PHACTR1: variants seen among roughly 807,000 people sequenced by gnomAD.
PHACTR1 encodes the protein RPEL repeat containing 1.
A neutral mutation model predicts 69.2 loss-of-function variants in PHACTR1; 16 were observed. The ratio of observed to expected loss-of-function variants is 0.23; its 90% CI spans 0.16 to 0.35. PHACTR1 has a LOEUF of 0.35. PHACTR1 is among the 10% of genes least tolerant of loss of function. The probability of loss-of-function intolerance (pLI) is 1.00; values close to 1 mark genes in which losing one functional copy is unlikely to be tolerated. For synonymous variants in PHACTR1, 312 were observed against 284.5 expected, an observed-to-expected ratio of 1.10 and a Z score of -0.97; for missense variants, 510 against 734.7, an observed-to-expected ratio of 0.69 and a Z score of 3.54.
At chr6:13,193,387 T>TATA (rs1763897811) in intron 7 of PHACTR1, among the ~76,000 whole-genome samples, 2 of 38,976 alleles carry the variant, frequency 5.1e-5, no homozygotes, top group Non-Finnish European at 7.8e-5. Flanking sequence ...ATATATATAG[T>TATA]TTTGGGGAGT....
Position 12,718,734 on chromosome 6 carries a change from G to A in PHACTR1, c.-11G>A. The stretch of plus-strand genomic sequence containing the variant: ...GTTTTCTCTCAAAACTCTGTGTTTG[G>A]AACATCAAGGATGGATTATCCCAAA... On this transcript the variant is annotated 5_prime_UTR_variant, in exon 3 of 15. Transcript: ENST00000332995. 1.4e-6 allele frequency: 2 copies of A among 1,469,998 alleles called. No homozygotes were observed. The highest frequency in any genetic ancestry group is 1.3e-5 in the South Asian group (1 of 76,282). 91.1% of individuals were successfully genotyped at this position (1,469,998 alleles called of 1,614,324 possible).
At chr6:13,174,973 C>G (rs1468878185) in intron 6 of PHACTR1, among the ~76,000 whole-genome samples, 1 of 152,090 alleles carries the variant, frequency 6.6e-6, no homozygotes, top group African/African-American at 2.4e-5. Context: ...ATAAAAAGTC[C>G]AACATAATGC....
At chr6:13,148,227 A>C (rs1823739204) in intron 5 of PHACTR1, among the ~76,000 whole-genome samples, 1 of 150,722 alleles carries the variant, frequency 6.6e-6, no homozygotes, top group African/African-American at 2.4e-5. Flanking sequence ...AGTTGAGAGA[A>C]TTGTATAATG....
chr6:12,817,913 T>A, intron 4 of PHACTR1, among the ~76,000 whole-genome samples: 1 of 151,248 alleles, frequency 6.6e-6, no homozygotes, highest in South Asian at 2.1e-4. Context: ...ATGCTCTGCC[T>A]CCCGGGTTCA....
chr6:12,977,577 G>T (rs146570730), intron 4 of PHACTR1, among the ~76,000 whole-genome samples: 202 of 152,260 alleles, frequency 1.3e-3, no homozygotes, highest in Non-Finnish European at 2.2e-3. Context: ...ATTCAAACAA[G>T]GTCTGCAAGG....
chr6:12,730,059 C>T (rs1763298343), intron 3 of PHACTR1, among the ~76,000 whole-genome samples: 1 of 152,058 alleles, frequency 6.6e-6, no homozygotes, highest in Non-Finnish European at 1.5e-5. Flanking sequence ...TATGGAACAG[C>T]CAAGCCTAGA....
intron 12 of PHACTR1, chr6:13,280,137 G>A (rs944848600): frequency 1.3e-5 from 2 of 152,138 alleles, no homozygotes; most frequent in African/African-American, 4.8e-5. Context: ...GGTAATGAGC[G>A]AGTAAAGAGT....
At chr6:12,859,393 C>G (rs1780719006) in intron 4 of PHACTR1, among the ~76,000 whole-genome samples, 3 of 152,164 alleles carry the variant, frequency 2.0e-5, no homozygotes, top group African/African-American at 7.2e-5. Context: ...TATATGTACA[C>G]TATGTGTATG....
chr6:13,141,514 T>C (rs901797825), intron 5 of PHACTR1, among the ~76,000 whole-genome samples: 19 of 152,310 alleles, frequency 1.2e-4, no homozygotes, highest in African/African-American at 4.6e-4. Flanking sequence ...AAATCAGAAG[T>C]TGCAGTCACA....
chr6:13,270,666 T>TA (rs980957725), intron 10 of PHACTR1, among the ~76,000 whole-genome samples: 2 of 152,238 alleles, frequency 1.3e-5, no homozygotes, highest in African/African-American at 4.8e-5. Context: ...CTTATACTCT[T>TA]AAAAACACTT....
At chr6:13,132,613 C>T (rs896721993) in intron 5 of PHACTR1, among the ~76,000 whole-genome samples, 1 of 151,888 alleles carries the variant, frequency 6.6e-6, no homozygotes, top group Admixed American at 6.6e-5. Flanking sequence ...AAGCAAGTCA[C>T]ACACATGTTG....
At chr6:12,731,175 C>G (rs1318301907) in intron 3 of PHACTR1, among the ~76,000 whole-genome samples, 1 of 151,948 alleles carries the variant, frequency 6.6e-6, no homozygotes, top group East Asian at 1.9e-4. Context: ...GCCACCATGC[C>G]TGGCTAATTT....
chr6:12,812,171 C>A (rs1003737452), intron 4 of PHACTR1, among the ~76,000 whole-genome samples: 2 of 152,144 alleles, frequency 1.3e-5, no homozygotes, highest in South Asian at 2.1e-4. Context: ...TCCCTCACCC[C>A]AGTCCTAGCA....
intron 6 of PHACTR1, among the ~76,000 whole-genome samples, chr6:13,180,633 T>C (rs1351446237): frequency 6.6e-6 from 1 of 152,266 alleles, no homozygotes; most frequent in Non-Finnish European, 1.5e-5. Context: ...GCACTTTTAT[T>C]ATACTTTGGA....
chr6:13,019,076 TTTTTC>T (rs1800612633), intron 4 of PHACTR1, among the ~76,000 whole-genome samples: 3 of 147,228 alleles, frequency 2.0e-5, no homozygotes, highest in African/African-American at 5.0e-5. Context: ...ATATATATAT[TTTTTC>T]TTTTTCTTTT....
chr6:12,863,490 A>T (rs748049141), intron 4 of PHACTR1, among the ~76,000 whole-genome samples: 6 of 152,214 alleles, frequency 3.9e-5, no homozygotes, highest in Non-Finnish European at 7.3e-5. Flanking sequence ...AGACACAAAC[A>T]TTCAGTCCAT....
intron 6 of PHACTR1, among the ~76,000 whole-genome samples, chr6:13,161,723 G>A (rs1398847981): frequency 6.6e-6 from 1 of 152,024 alleles, no homozygotes; most frequent in Non-Finnish European, 1.5e-5. Flanking sequence ...TATTCCTCTG[G>A]TGAATCTGAC....
Position 13,233,127 on chromosome 6 carries a change from G to A in PHACTR1, c.1391+2934G>A, listed in dbSNP as rs549653600. ...TAACACAGTAAAAAAGGGCACCATT[G>A]CCCCAGAGCATACTCCTAAAAAGGG... On this transcript the variant is annotated intron_variant, in intron 10 of 14. Coordinates refer to ENST00000332995, the MANE Select transcript of PHACTR1 (RefSeq NM_030948.6). Among the ~76,000 whole-genome samples the A allele has an allele frequency of 9.8e-5, 15 of 152,290 alleles. No individual in the cohort carries two copies. The South Asian group carries it at 3.1e-3, about 32-fold the overall frequency.
At chr6:13,073,689 C>T (rs1005723078) in intron 5 of PHACTR1, among the ~76,000 whole-genome samples, 6 of 151,782 alleles carry the variant, frequency 4.0e-5, no homozygotes, top group Non-Finnish European at 8.8e-5. Context: ...CACAAGTGGC[C>T]AGGTGTTTCT....
Sources: allele counts gnomAD v4.1 joint callset (sites outside exome capture counted in the v4.1 genomes callset), GRCh38; gene constraint gnomAD v4.1.1; transcripts MANE v1.5; gene names NCBI Gene and HGNC (gene_info 2026-07-23, HGNC 2026-07-21).